ANO4: variants seen among roughly 807,000 people sequenced by gnomAD.
ANO4 encodes the protein anoctamin-4.
In ANO4, 69 loss-of-function variants were observed where a neutral mutation model predicts 141.9. The observed-to-expected ratio is 0.49, with a 90% CI of 0.40 to 0.59. The LOEUF is 0.59. Among genes scored for constraint, ANO4 ranks in the 20% least tolerant of loss-of-function variants. The pLI is 0.00. For synonymous variants in ANO4, 350 were observed against 394.3 expected (o/e 0.89, Z 1.33); for missense variants, 894 against 1,162.2 (o/e 0.77, Z 3.36).
At chr12:100,949,065 G>A (rs1341120300) in intron 5 of ANO4, among the ~76,000 whole-genome samples, 1 of 152,146 alleles carries the variant, frequency 6.6e-6, no homozygotes, top group Non-Finnish European at 1.5e-5. Flanking sequence ...AACAAGCAGG[G>A]ATCTTAGTCC....
intron 3 of ANO4, among the ~76,000 whole-genome samples, chr12:100,924,853 A>T (rs2041795443): frequency 6.6e-6 from 1 of 152,120 alleles, no homozygotes; most frequent in Non-Finnish European, 1.5e-5. Flanking sequence ...ACTAAAGGTT[A>T]GTAAGGTACT....
intron 22 of ANO4, among the ~76,000 whole-genome samples, chr12:101,104,469 G>A (rs2050328204): frequency 6.6e-6 from 1 of 150,648 alleles, no homozygotes; most frequent in African/African-American, 2.4e-5. Flanking sequence ...GCATTTTGAA[G>A]GAATGCATTA....
chr12:100,749,185 G>A (rs1487271542), intron 3 of ANO4, among the ~76,000 whole-genome samples: 3 of 152,168 alleles, frequency 2.0e-5, no homozygotes, highest in Non-Finnish European at 4.4e-5. Context: ...GAAGTTGAGT[G>A]CTGAATGTGT....
At chr12:100,926,112 C>T (rs2041861873) in intron 3 of ANO4, among the ~76,000 whole-genome samples, 1 of 151,970 alleles carries the variant, frequency 6.6e-6, no homozygotes, top group South Asian at 2.1e-4. Flanking sequence ...ATTGTATGTT[C>T]ATCCTTGTTC....
At chr12:101,093,994 C>T (rs677871) in intron 17 of ANO4, among the ~76,000 whole-genome samples, 28,000 of 152,014 alleles carry the variant, frequency 0.18, 3,418 homozygotes, top group East Asian at 0.53. Flanking sequence ...TAAAATTATT[C>T]GCCCCAAAAT....
chr12:100,725,042 G>A (rs1698133438), intron 1 of ANO4, among the ~76,000 whole-genome samples: 1 of 152,120 alleles, frequency 6.6e-6, no homozygotes, highest in South Asian at 2.1e-4. Flanking sequence ...AAATTAAATG[G>A]TATTTCTAGT....
At chr12:101,031,134 A>T (rs1003363178) in intron 9 of ANO4, among the ~76,000 whole-genome samples, 1 of 152,206 alleles carries the variant, frequency 6.6e-6, no homozygotes, top group Admixed American at 6.5e-5. Context: ...ACAACAAAAA[A>T]TAGAGAATTT....
intron 1 of ANO4, among the ~76,000 whole-genome samples, chr12:100,720,584 G>A (rs2030821474): frequency 6.6e-6 from 1 of 151,832 alleles, no homozygotes; most frequent in Non-Finnish European, 1.5e-5. Context: ...TTGATTTTTT[G>A]TGTGTGGACT....
chr12:100,827,335 C>A (rs1447118040), intron 1 of ANO4, among the ~76,000 whole-genome samples: 1 of 152,026 alleles, frequency 6.6e-6, no homozygotes, highest in East Asian at 1.9e-4. Context: ...AGCTAATGTC[C>A]TTACTTTCTT....
chr12:100,910,257 G>A (rs1476326303), intron 2 of ANO4, among the ~76,000 whole-genome samples: 1 of 152,090 alleles, frequency 6.6e-6, no homozygotes, highest in Non-Finnish European at 1.5e-5. Flanking sequence ...AACATGATAA[G>A]CAAAATTCAG....
At chr12:100,759,157 A>G (rs2032745877) in intron 3 of ANO4, among the ~76,000 whole-genome samples, 1 of 152,186 alleles carries the variant, frequency 6.6e-6, no homozygotes, top group Non-Finnish European at 1.5e-5. Context: ...ACACAGAGAC[A>G]CATTGGACCA....
intron 3 of ANO4, among the ~76,000 whole-genome samples, chr12:100,787,890 G>A (rs2033924083): frequency 6.6e-6 from 1 of 152,136 alleles, no homozygotes; most frequent in Admixed American, 6.5e-5. Flanking sequence ...GCTTGGATTT[G>A]GTATTGGGTC....
chr12:100,996,048 T>C (rs888393412), intron 8 of ANO4, among the ~76,000 whole-genome samples: 2 of 152,250 alleles, frequency 1.3e-5, no homozygotes, highest in Non-Finnish European at 1.5e-5. Flanking sequence ...TTCCCTTGAC[T>C]TGATTCAGTT....
At chr12:101,004,365 A>T (rs558399751) in intron 8 of ANO4, among the ~76,000 whole-genome samples, 1 of 149,900 alleles carries the variant, frequency 6.7e-6, no homozygotes, top group Non-Finnish European at 1.5e-5. Flanking sequence ...CCTCAAGGAT[A>T]TGGGGCAACG....
At chr12:101,082,844 C>T (rs1353829466) in intron 15 of ANO4, among the ~76,000 whole-genome samples, 1 of 151,510 alleles carries the variant, frequency 6.6e-6, no homozygotes, top group African/African-American at 2.5e-5. Flanking sequence ...TCCATTTCAG[C>T]AGAGTTTCTG....
chr12:100,977,161 T>C (rs1367033341), intron 7 of ANO4, among the ~76,000 whole-genome samples: 1 of 152,226 alleles, frequency 6.6e-6, no homozygotes, highest in Non-Finnish European at 1.5e-5. Flanking sequence ...TAATAATTAA[T>C]ACATGTAATA....
chr12:100,813,181 C>T lies in ANO4; in HGVS notation c.-141+18154C>T, dbSNP rs990842372. Among the ~76,000 whole-genome samples the T allele has an allele frequency of 2.0e-5, 3 of 152,136 alleles. No individual in the cohort carries two copies. The South Asian group carries it at 6.2e-4, about 32-fold the overall frequency. ...AGGAAGCTGACTTGCCTAGCAAAGA[C>T]ATTTACCTGAATAGCAGGTTGCCCT... On this transcript the variant is annotated intron_variant, in intron 1 of 27. Transcript: ENST00000392977.
At chr12:100,956,101 A>G (rs560800712) in intron 5 of ANO4, among the ~76,000 whole-genome samples, 1 of 152,342 alleles carries the variant, frequency 6.6e-6, no homozygotes. Flanking sequence ...TGTGCATTTT[A>G]TAGTAATTTT....
chr12:100,956,735 G>A (rs1325102806), intron 5 of ANO4, among the ~76,000 whole-genome samples: 1 of 152,188 alleles, frequency 6.6e-6, no homozygotes, highest in Non-Finnish European at 1.5e-5. Context: ...AGGGTAACCT[G>A]TTACAGGCGT....
Sources: allele counts gnomAD v4.1 joint callset (sites outside exome capture counted in the v4.1 genomes callset), GRCh38; gene constraint gnomAD v4.1.1; transcripts MANE v1.5; gene names NCBI Gene and HGNC (gene_info 2026-07-23, HGNC 2026-07-21).